FAM168A: variants seen among roughly 807,000 people sequenced by gnomAD.
FAM168A encodes family with sequence similarity 168 member A, also known as protein FAM168A.
Under a neutral mutation model 28.5 loss-of-function variants are expected in FAM168A, and 3 were observed. The ratio of observed to expected loss-of-function variants is 0.11; its 90% CI spans 0.05 to 0.27. The LOEUF (loss-of-function observed/expected upper bound fraction) is 0.27, where lower values mean the gene tolerates loss of function less well. Ranked by LOEUF, FAM168A falls within the 10% of genes least tolerant of loss-of-function variation. FAM168A has a pLI of 1.00. For synonymous variants in FAM168A, 122 were observed against 124.2 expected (o/e 0.98, Z 0.12); for missense variants, 222 against 311.5 (o/e 0.71, Z 2.16).
At chr11:73,457,610 T>C (rs1867558954) in intron 2 of FAM168A, among the ~76,000 whole-genome samples, 1 of 149,936 alleles carries the variant, frequency 6.7e-6, no homozygotes, top group South Asian at 2.1e-4. Context: ...GTGCAGTGGC[T>C]CATGCCTGTA....
At chr11:73,572,685 G>C (rs905075635) in intron 1 of FAM168A, among the ~76,000 whole-genome samples, 25 of 149,396 alleles carry the variant, frequency 1.7e-4, no homozygotes, top group Non-Finnish European at 2.2e-4. Context: ...CAGCATGCTC[G>C]TTAAGAGTCA....
chr11:73,548,285 C>A (rs1943785032), intron 1 of FAM168A, among the ~76,000 whole-genome samples: 2 of 152,082 alleles, frequency 1.3e-5, no homozygotes. Context: ...GCTGGGTATA[C>A]ATGGTAGTAT....
intron 1 of FAM168A, among the ~76,000 whole-genome samples, chr11:73,566,172 G>T (rs1944018438): frequency 1.3e-5 from 2 of 152,166 alleles, no homozygotes; most frequent in Non-Finnish European, 2.9e-5. Context: ...ATCAGAAATG[G>T]TAATAGCCAA....
intron 4 of FAM168A, among the ~76,000 whole-genome samples, chr11:73,413,444 G>C (rs1261142266): frequency 2.0e-5 from 3 of 152,212 alleles, no homozygotes; most frequent in Non-Finnish European, 4.4e-5. Flanking sequence ...AAAGTTTCTA[G>C]ATTATGGAGC....
At chr11:73,500,044 G>A (rs919945832) in intron 1 of FAM168A, among the ~76,000 whole-genome samples, 4 of 152,010 alleles carry the variant, frequency 2.6e-5, no homozygotes, top group Non-Finnish European at 5.9e-5. Context: ...TATTCCACAA[G>A]AAGATCAACC....
At chr11:73,575,435 A>G (rs1944160489) in intron 1 of FAM168A, among the ~76,000 whole-genome samples, 1 of 152,236 alleles carries the variant, frequency 6.6e-6, no homozygotes, top group South Asian at 2.1e-4. Context: ...TTACCCTGTA[A>G]TTGAAAGCCT....
chr11:73,502,693 A>C (rs1855032194), intron 1 of FAM168A, among the ~76,000 whole-genome samples: 1 of 152,004 alleles, frequency 6.6e-6, no homozygotes, highest in African/African-American at 2.4e-5. Context: ...GAGACACAAC[A>C]AAAAAAAGAA....
At chr11:73,533,007 A>G (rs1247647046) in intron 1 of FAM168A, among the ~76,000 whole-genome samples, 2 of 152,236 alleles carry the variant, frequency 1.3e-5, no homozygotes, top group African/African-American at 2.4e-5. Context: ...GACCTTAAGA[A>G]TTTGACCTTC....
rs188939288 is a variant in FAM168A, at chr11:73,411,329, A to C, written c.420+65T>G. 3,311 of 1,515,946 alleles carry C rather than the reference A, an allele frequency of 2.2e-3. 20 individuals carry two copies. The highest frequency in any genetic ancestry group is 2.0e-3 in the Non-Finnish European group (2,240 of 1,128,510). The allele number at this position is 1,515,946 out of a possible 1,614,324, so 93.9% of individuals were successfully genotyped here. On this transcript the variant is annotated intron_variant, in intron 5 of 7. Transcript: ENST00000356467. The stretch of plus-strand genomic sequence containing the variant: ...TTCCCTCACTTCCTCACCCTACCCC[A>C]CCACACTGCACCCAGGCTGAAGGCT...
At chr11:73,543,654 GCTAA>G (rs1220911745) in intron 1 of FAM168A, among the ~76,000 whole-genome samples, 5 of 152,114 alleles carry the variant, frequency 3.3e-5, no homozygotes, top group African/African-American at 4.8e-5. Context: ...TTCTAGATAT[GCTAA>G]CTGAGTACTT....
intron 1 of FAM168A, among the ~76,000 whole-genome samples, chr11:73,575,541 A>G (rs1590744189): frequency 6.6e-6 from 1 of 152,198 alleles, no homozygotes; most frequent in East Asian, 1.9e-4. Flanking sequence ...CATGGGTAAC[A>G]TGGAAACAAT....
At chr11:73,591,595 A>C (rs1424600278) in intron 1 of FAM168A, among the ~76,000 whole-genome samples, 1 of 152,172 alleles carries the variant, frequency 6.6e-6, no homozygotes, top group African/African-American at 2.4e-5. Context: ...CTGTAGCCTC[A>C]AATTCCTGGG....
chr11:73,592,872 CA>C (rs35686813), intron 1 of FAM168A, among the ~76,000 whole-genome samples: 103,306 of 144,012 alleles, frequency 0.72, 38,289 homozygotes, highest in East Asian at 0.96. Context: ...CTGTCTCTAC[CA>C]AAAAAAAAAA....
At position 73,401,484 on chromosome 11, in the gene FAM168A, C is replaced by G. The variant is rs1866410019; in HGVS notation, c.*5279G>C. The stretch of plus-strand genomic sequence containing the variant: ...CTCTCTTTCCCTGACTCTCTTAGGC[C>G]TGAGGAGAAAGGCTGGGGTCTGGAG... On this transcript the variant is annotated 3_prime_UTR_variant, in exon 8 of 8. Transcript: ENST00000356467. 6.6e-6 allele frequency: 1 copy of G among 152,294 alleles called. No homozygotes were observed. Among genetic ancestry groups the G allele is most frequent in the African/African-American group, 2.4e-5 (1 of 41,438 alleles). The allele number at this position is 152,294 out of a possible 1,614,324, so 9.4% of individuals were successfully genotyped here. A position where few individuals can be genotyped will look rare whatever the true frequency, so the allele number is the denominator to read the frequency against.
Position 73,422,903 on chromosome 11 carries a change from C to G in FAM168A, c.152-2904G>C, listed in dbSNP as rs538876520. Among the ~76,000 whole-genome samples, 13 of 152,292 alleles carry G rather than the reference C, an allele frequency of 8.5e-5. No homozygotes were observed. In the South Asian group the frequency reaches 2.7e-3, roughly 32 times the overall value. ...TTCCCTGGATACGGGGCCCTCACGC[C>G]CTCTGACAGTTGAACAATCTGTTTA... On this transcript the variant is annotated intron_variant, in intron 3 of 7. Transcript: ENST00000356467.
intron 1 of FAM168A, among the ~76,000 whole-genome samples, chr11:73,563,182 T>A (rs1943979511): frequency 6.6e-6 from 1 of 152,212 alleles, no homozygotes; most frequent in Admixed American, 6.5e-5. Context: ...TTCACCTCTA[T>A]CATTCACCTA....
chr11:73,504,559 T>C (rs548481073), intron 1 of FAM168A, among the ~76,000 whole-genome samples: 29 of 152,332 alleles, frequency 1.9e-4, no homozygotes, highest in Admixed American at 1.7e-3. Flanking sequence ...TTGGTGGGAA[T>C]GTAAATTAGT....
intron 1 of FAM168A, among the ~76,000 whole-genome samples, chr11:73,572,841 C>T (rs1312109034): frequency 6.6e-6 from 1 of 151,948 alleles, no homozygotes; most frequent in East Asian, 1.9e-4. Context: ...TGCCAAATCC[C>T]CCTCTGTGAG....
At chr11:73,557,079 G>A (rs955704843) in intron 1 of FAM168A, among the ~76,000 whole-genome samples, 1 of 151,838 alleles carries the variant, frequency 6.6e-6, no homozygotes, top group African/African-American at 2.4e-5. Context: ...CCGCCAAAAG[G>A]TGGAAGCAAC....
Sources: allele counts gnomAD v4.1 joint callset (sites outside exome capture counted in the v4.1 genomes callset), GRCh38; gene constraint gnomAD v4.1.1; transcripts MANE v1.5; gene names NCBI Gene and HGNC (gene_info 2026-07-23, HGNC 2026-07-21).